The following PHLDB2 variants were observed in gnomAD, a reference collection of about 807,000 sequenced individuals.
PHLDB2 encodes pleckstrin homology-like domain family B member 2.
In PHLDB2, 71 loss-of-function variants were observed where a neutral mutation model predicts 123.6. The observed-to-expected ratio is 0.57, with a 90% CI of 0.47 to 0.70. The LOEUF (loss-of-function observed/expected upper bound fraction) is 0.70, where lower values mean the gene tolerates loss of function less well. Ranked by LOEUF, PHLDB2 falls within the 30% of genes least tolerant of loss-of-function variation. The probability of loss-of-function intolerance (pLI) is 0.00; values close to 1 mark genes in which losing one functional copy is unlikely to be tolerated. For synonymous variants in PHLDB2, 547 were observed against 541.6 expected (o/e 1.01, Z -0.14); for missense variants, 1,446 against 1,519.5 (o/e 0.95, Z 0.80).
intron 12 of PHLDB2, chr3:111,957,059 A>G (rs897872013): frequency 6.6e-6 from 1 of 152,578 alleles, no homozygotes; most frequent in Non-Finnish European, 1.5e-5. Flanking sequence ...CACTGTTAAT[A>G]GAACTGACAG....
At chr3:111,910,237 T>C (rs373719270) in intron 2 of PHLDB2, among the ~76,000 whole-genome samples, 1 of 152,222 alleles carries the variant, frequency 6.6e-6, no homozygotes, top group East Asian at 1.9e-4. Context: ...TTGATATATG[T>C]GGGAGATCAA....
At chr3:111,820,048 G>T (rs1275353590) in intron 1 of PHLDB2, among the ~76,000 whole-genome samples, 6 of 152,196 alleles carry the variant, frequency 3.9e-5, no homozygotes, top group Admixed American at 3.9e-4. Flanking sequence ...AACCATCCTT[G>T]CCCTAGTGGC....
chr3:111,790,978 T>C (rs1287229114), intron 1 of PHLDB2, among the ~76,000 whole-genome samples: 2 of 152,192 alleles, frequency 1.3e-5, no homozygotes, highest in African/African-American at 4.8e-5. Flanking sequence ...AATCTGCTTT[T>C]CCCCTAGTAC....
At chr3:111,922,731 A>G (rs2068592608) in intron 5 of PHLDB2, among the ~76,000 whole-genome samples, 1 of 152,204 alleles carries the variant, frequency 6.6e-6, no homozygotes, top group South Asian at 2.1e-4. Flanking sequence ...TGTTTCTCAA[A>G]TAAATTTATT....
At chr3:111,966,564 C>T in intron 13 of PHLDB2, 49 bp from the exon 14 acceptor site, 1 of 1,293,552 alleles carries the variant, frequency 7.7e-7, no homozygotes, top group Non-Finnish European at 1.1e-6. Flanking sequence ...ATTAGAGAGA[C>T]TTCTCAGTCT....
chr3:111,942,550 C>A (rs1489945632), intron 8 of PHLDB2, among the ~76,000 whole-genome samples: 2 of 152,186 alleles, frequency 1.3e-5, no homozygotes, highest in African/African-American at 2.4e-5. Context: ...TTTTCTCTCT[C>A]ATACTGTAAA....
chr3:111,899,174 C>G (rs528149415), intron 2 of PHLDB2, among the ~76,000 whole-genome samples: 1 of 152,296 alleles, frequency 6.6e-6, no homozygotes, highest in African/African-American at 2.4e-5. Flanking sequence ...ATTGTGTTAT[C>G]AGGCATGAAA....
intron 5 of PHLDB2, among the ~76,000 whole-genome samples, chr3:111,927,744 G>C (rs1390652885): frequency 1.3e-5 from 2 of 152,130 alleles, no homozygotes; most frequent in Non-Finnish European, 2.9e-5. Flanking sequence ...GTTTTATCTG[G>C]CAGCCCTACA....
At chr3:111,952,746 C>T in intron 11 of PHLDB2, 34 bp downstream of exon 11, 1 of 1,597,810 alleles carries the variant, frequency 6.3e-7, no homozygotes, top group Non-Finnish European at 8.5e-7. Flanking sequence ...GCTTCCCATT[C>T]CATGAGTCTT....
intron 2 of PHLDB2, among the ~76,000 whole-genome samples, chr3:111,897,612 A>T (rs576096135): frequency 6.6e-6 from 1 of 152,342 alleles, no homozygotes; most frequent in Non-Finnish European, 1.5e-5. Flanking sequence ...TGTAATTTGG[A>T]TTTTGAGAAA....
At chr3:111,732,761 T>G (rs2107892170) in intron 1 of PHLDB2, 2 of 1,381,654 alleles carry the variant, frequency 1.4e-6, no homozygotes, top group East Asian at 5.1e-5. Flanking sequence ...GAGCAGCATA[T>G]ACAGCCTCGT....
chr3:111,967,929 T>C (rs1023918521), intron 15 of PHLDB2, 105 bp downstream of exon 15: 7 of 837,294 alleles, frequency 8.4e-6, no homozygotes, highest in Non-Finnish European at 4.9e-6. Context: ...CACTGAGCAT[T>C]AGCACTTGAC....
chr3:111,906,805 GAC>G (rs2067566910), intron 2 of PHLDB2, among the ~76,000 whole-genome samples: 1 of 152,180 alleles, frequency 6.6e-6, no homozygotes, highest in African/African-American at 2.4e-5. Context: ...CTCCAGAGCA[GAC>G]ACAGTCATAC....
chr3:111,969,710 C>G lies in PHLDB2; in HGVS notation c.3336C>G (p.Tyr1112Ter). Reference protein sequence around the residue: ...QRAQARPLTRYLPVRKEDFDL... With the variant: ...QRAQARPLTR ...TCCAGGCTCGTCCTTTGACACGCTA[C>G]CTGCCTGTCCGGAAGGAAGACTTTG... The change falls in exon 16 of 18, where the codon TAC (tyrosine) becomes TAG (stop). Residue 1112 changes from tyrosine (Y) to a stop codon, truncating the protein, a stop_gained. Transcript: ENST00000431670. LOFTEE classifies it high-confidence loss of function. The G allele has an allele frequency of 6.2e-7, 1 of 1,613,940 alleles. No homozygotes were observed. Among genetic ancestry groups the G allele is most frequent in the Non-Finnish European group, 8.5e-7 (1 of 1,179,840 alleles).
chr3:111,758,525 G>A (rs1413129046), intron 1 of PHLDB2, among the ~76,000 whole-genome samples: 2 of 152,160 alleles, frequency 1.3e-5, no homozygotes, highest in Non-Finnish European at 2.9e-5. Flanking sequence ...TCTTTGACTA[G>A]GAAAGGGAAC....
At chr3:111,962,719 C>A (rs1312226510) in intron 13 of PHLDB2, among the ~76,000 whole-genome samples, 2 of 151,944 alleles carry the variant, frequency 1.3e-5, no homozygotes, top group Non-Finnish European at 2.9e-5. Context: ...CACCTGAGGT[C>A]AGGAGTTCAA....
intron 1 of PHLDB2, among the ~76,000 whole-genome samples, chr3:111,765,009 T>C (rs6786386): frequency 0.56 from 85,507 of 152,080 alleles, 26,355 homozygotes; most frequent in African/African-American, 0.83. Flanking sequence ...GGTCATCGGG[T>C]CCACCCTCTC....
rs540815531 is a variant in PHLDB2 at position 111,922,445 on chromosome 3, A to G, written c.2001+2026A>G. Reference sequence around the variant, plus strand: ...CTCCATCCTTCCTAATATTGTTTTGATGGCTTGACAGAGGCTATGCACTGG... The same window carrying G: ...CTCCATCCTTCCTAATATTGTTTTGGTGGCTTGACAGAGGCTATGCACTGG... On this transcript the variant is annotated intron_variant, in intron 5 of 17. Coordinates refer to ENST00000431670, the MANE Select transcript of PHLDB2 (RefSeq NM_001134438.2). 3.9e-5 allele frequency among the ~76,000 whole-genome samples: 6 copies of G among 152,332 alleles called. No homozygotes were observed. In the South Asian group the frequency reaches 1.2e-3, roughly 32 times the overall value.
intron 1 of PHLDB2, among the ~76,000 whole-genome samples, chr3:111,782,945 T>G (rs1173698583): frequency 6.6e-6 from 1 of 152,134 alleles, no homozygotes; most frequent in Admixed American, 6.6e-5. Flanking sequence ...GAATTAGTCT[T>G]GCATACTAAC....
Sources: gnomAD v4.1 joint callset for allele counts (sites outside exome capture counted in the v4.1 genomes callset) on GRCh38, gnomAD v4.1.1 for gene constraint, MANE v1.5 for transcripts, NCBI Gene and HGNC (gene_info 2026-07-23, HGNC 2026-07-21) for gene names.